FOXN3: variants seen among roughly 807,000 people sequenced by gnomAD.
The protein encoded by FOXN3 is forkhead box N3.
Under a neutral mutation model 38.4 loss-of-function variants are expected in FOXN3, and 7 were observed. That is an observed-to-expected ratio of 0.18 (90% confidence interval 0.10 to 0.34). The LOEUF is 0.34. Among genes scored for constraint, FOXN3 ranks in the 10% least tolerant of loss-of-function variants. The pLI is 1.00. For missense variants in FOXN3, 456 were observed against 613.4 expected, an observed-to-expected ratio of 0.74 and a Z score of 2.71; for synonymous variants, 230 against 242.2, an observed-to-expected ratio of 0.95 and a Z score of 0.47.
chr14:89,386,696 C>T (rs1051708754), intron 2 of FOXN3, among the ~76,000 whole-genome samples: 1 of 152,168 alleles, frequency 6.6e-6, no homozygotes, highest in Non-Finnish European at 1.5e-5. Context: ...GTGGCTCATA[C>T]AACAGAAGTT....
intron 1 of FOXN3, among the ~76,000 whole-genome samples, chr14:89,541,611 G>A (rs1894791947): frequency 6.6e-6 from 1 of 152,132 alleles, no homozygotes; most frequent in African/African-American, 2.4e-5. Context: ...AGCAGCCCTC[G>A]CAGCTGCTCT....
At chr14:89,533,617 G>A (rs1894620477) in intron 1 of FOXN3, among the ~76,000 whole-genome samples, 1 of 134,094 alleles carries the variant, frequency 7.5e-6, no homozygotes, top group Non-Finnish European at 1.5e-5. Flanking sequence ...AGCGGAGATC[G>A]CACCACTGCA....
intron 1 of FOXN3, among the ~76,000 whole-genome samples, chr14:89,547,401 C>T (rs998811987): frequency 1.3e-5 from 2 of 152,086 alleles, no homozygotes; most frequent in Admixed American, 1.3e-4. Context: ...GCTACAGGCA[C>T]GTGCCACCAT....
chr14:89,513,708 C>T (rs957577693), intron 1 of FOXN3, among the ~76,000 whole-genome samples: 8 of 152,112 alleles, frequency 5.3e-5, no homozygotes, highest in Admixed American at 3.9e-4. Context: ...GATTCTCCTG[C>T]CTCAGCCTCC....
chr14:89,308,458 G>A (rs1887440413), intron 3 of FOXN3, among the ~76,000 whole-genome samples: 1 of 152,220 alleles, frequency 6.6e-6, no homozygotes, highest in Non-Finnish European at 1.5e-5. Context: ...AGTCTACTCT[G>A]AAAATAATCC....
chr14:89,472,342 G>C (rs990641483), intron 1 of FOXN3, among the ~76,000 whole-genome samples: 1 of 151,990 alleles, frequency 6.6e-6, no homozygotes, highest in Non-Finnish European at 1.5e-5. Flanking sequence ...AGCCAACTCT[G>C]AGTGACACAT....
At chr14:89,532,509 T>C (rs1191703044) in intron 1 of FOXN3, among the ~76,000 whole-genome samples, 2 of 152,192 alleles carry the variant, frequency 1.3e-5, no homozygotes, top group African/African-American at 2.4e-5. Flanking sequence ...ACTGTTTAAA[T>C]TTGAACACAT....
At chr14:89,611,963 C>T (rs1397477656) in intron 1 of FOXN3, among the ~76,000 whole-genome samples, 1 of 152,090 alleles carries the variant, frequency 6.6e-6, no homozygotes, top group Admixed American at 6.6e-5. Context: ...GCTTTTTCTT[C>T]CCCCCGAAGG....
intron 3 of FOXN3, among the ~76,000 whole-genome samples, chr14:89,307,650 G>A (rs577199859): frequency 2.2e-4 from 33 of 152,080 alleles, no homozygotes; most frequent in Non-Finnish European, 4.3e-4. Flanking sequence ...CTTAAAGCTC[G>A]TTGGCAGCCT....
intron 1 of FOXN3, among the ~76,000 whole-genome samples, chr14:89,527,858 C>T (rs1054354390): frequency 6.6e-6 from 1 of 152,044 alleles, no homozygotes; most frequent in Non-Finnish European, 1.5e-5. Context: ...TGCGCCACCA[C>T]ATCTGGCTAA....
rs1894050764 is a variant in FOXN3 at position 89,511,141 on chromosome 14, T to TC, written c.-14-98652_-14-98651insG. 9.5e-5 allele frequency among the ~76,000 whole-genome samples: 2 copies of TC among 20,996 alleles called. 1 individual carries two copies. The highest frequency in any genetic ancestry group is 3.7e-4 in the Non-Finnish European group (2 of 5,424). The allele number at this position is 20,996 out of a possible 152,430, so 13.8% of individuals were successfully genotyped here. A position where few individuals can be genotyped will look rare whatever the true frequency, so the allele number is the denominator to read the frequency against. On this transcript the variant is annotated intron_variant, in intron 1 of 6. Coordinates refer to the FOXN3 transcript ENST00000345097. ...CTTGGTGTCTTTCTTTCTTTCTTTC[T>TC]TTTCTTTCTTTCTTTCTTTCTTTCT...
chr14:89,441,501 T>C (rs1313386837), intron 1 of FOXN3, among the ~76,000 whole-genome samples: 4 of 152,220 alleles, frequency 2.6e-5, no homozygotes, highest in African/African-American at 9.6e-5. Context: ...CTTTATCTTA[T>C]ACTGTTAAAA....
intron 1 of FOXN3, among the ~76,000 whole-genome samples, chr14:89,580,530 G>A (rs1263659261): frequency 6.6e-6 from 1 of 152,176 alleles, no homozygotes; most frequent in Non-Finnish European, 1.5e-5. Context: ...ACTGGAAAAT[G>A]TTAGGCAAAG....
At chr14:89,355,938 A>C (rs755645472) in intron 2 of FOXN3, among the ~76,000 whole-genome samples, 3 of 152,092 alleles carry the variant, frequency 2.0e-5, no homozygotes, top group Non-Finnish European at 2.9e-5. Flanking sequence ...GGCAGGCCCC[A>C]TGTCAAAGTG....
intron 1 of FOXN3, among the ~76,000 whole-genome samples, chr14:89,510,396 G>A (rs1399056474): frequency 2.6e-5 from 4 of 152,186 alleles, no homozygotes; most frequent in African/African-American, 9.7e-5. Context: ...AGTCAGATCT[G>A]CCAGGGAGCC....
At chr14:89,510,249 C>T (rs757720930) in intron 1 of FOXN3, among the ~76,000 whole-genome samples, 5 of 152,188 alleles carry the variant, frequency 3.3e-5, no homozygotes, top group Non-Finnish European at 1.5e-5. Flanking sequence ...CCCACGCATG[C>T]CTCCTAACTG....
intron 1 of FOXN3, among the ~76,000 whole-genome samples, chr14:89,580,989 C>T (rs1895727726): frequency 6.7e-6 from 1 of 150,046 alleles, no homozygotes. Flanking sequence ...TCAAGACCAG[C>T]CTGGGCAACA....
chr14:89,265,285 C>T (rs1391310570), intron 4 of FOXN3, among the ~76,000 whole-genome samples: 5 of 152,206 alleles, frequency 3.3e-5, no homozygotes, highest in African/African-American at 1.2e-4. Context: ...ATGGCATTTA[C>T]CAAGCCCTAC....
At chr14:89,499,058 G>A (rs1466233206) in intron 1 of FOXN3, among the ~76,000 whole-genome samples, 1 of 152,164 alleles carries the variant, frequency 6.6e-6, no homozygotes, top group Non-Finnish European at 1.5e-5. Flanking sequence ...CAGTGTAGGA[G>A]TGTAGGAAGA....
Sources: gnomAD v4.1 joint callset for allele counts (sites outside exome capture counted in the v4.1 genomes callset) on GRCh38, gnomAD v4.1.1 for gene constraint, MANE v1.5 for transcripts, NCBI Gene and HGNC (gene_info 2026-07-23, HGNC 2026-07-21) for gene names.